Variants in ZNF205 observed in about 807,000 individuals in gnomAD.
ZNF205 encodes the protein transcriptional repressor RHIT.
A neutral mutation model predicts 53.6 loss-of-function variants in ZNF205; 32 were observed. That is an observed-to-expected ratio of 0.60 (90% CI 0.45 to 0.80). The LOEUF is 0.80. ZNF205 is among the 30% of genes least tolerant of loss of function. The pLI is 0.00. For synonymous variants in ZNF205, 382 were observed against 334.3 expected (o/e 1.14, Z -1.56); for missense variants, 836 against 782.4 (o/e 1.07, Z -0.82).
rs145304869 is a variant in ZNF205 at position 3,120,124 on chromosome 16, C to T, written c.1464C>T (p.Ser488=). 3.2e-4 allele frequency: 512 copies of T among 1,613,642 alleles called. 2 individuals are homozygous for T. The highest frequency in any genetic ancestry group is 1.3e-5 in the Non-Finnish European group (15 of 1,179,770). ...ACTGCGGCAAGAGCTTCAGCCACAG[C>T]TCGCACCTCACCGCGCACCAGCGCA... The part of the protein sequence containing the change: ...CLDCGKSFSH[S]SHLTAHQRTH... The change falls in exon 7 of 7, where the codon AGC becomes AGT. Residue 488 remains serine, a synonymous_variant. Coordinates refer to ENST00000219091, the MANE Select transcript of ZNF205 (RefSeq NM_001042428.2).
At chr16:3,112,772 G>C (rs1343372905) in intron 1 of ZNF205, 90 bp downstream of exon 1, 1 of 215,428 alleles carries the variant, frequency 4.6e-6, no homozygotes, top group African/African-American at 2.3e-5. Flanking sequence ...AAGGTGGAAG[G>C]CTTCAAGCTG....
chr16:3,120,081 A>C lies in ZNF205; in HGVS notation c.1421A>C (p.Lys474Thr). The C allele has an allele frequency of 2.5e-6, 4 of 1,613,814 alleles. No individual in the cohort carries two copies. The highest frequency in any genetic ancestry group is 3.4e-6 in the Non-Finnish European group (4 of 1,179,892). ...CACAACCGCACACACACAGGCGAGAAGCCCTACCACTGCCTCGACTGCGGC... is the reference window on the plus strand; with the variant it reads ...CACAACCGCACACACACAGGCGAGACGCCCTACCACTGCCTCGACTGCGGC... ...IAHNRTHTGE[K>T]PYHCLDCGKS... is the part of the protein sequence containing the mutation. The change falls in exon 7 of 7, where the codon AAG (lysine) becomes ACG (threonine). Residue 474 changes from lysine (K) to threonine (T), a missense_variant. Coordinates refer to ENST00000219091, the MANE Select transcript of ZNF205 (RefSeq NM_001042428.2).
At position 3,120,076 on chromosome 16, in the gene ZNF205, C is replaced by G. The variant is rs139131273; in HGVS notation, c.1416C>G (p.Gly472=). ...NLIAHNRTHT[G]EKPYHCLDCG... Reference sequence around the variant, plus strand: ...TCGCGCACAACCGCACACACACAGGCGAGAAGCCCTACCACTGCCTCGACT... The same window carrying G: ...TCGCGCACAACCGCACACACACAGGGGAGAAGCCCTACCACTGCCTCGACT... The change falls in exon 7 of 7, where the codon GGC becomes GGG. Residue 472 remains glycine, a synonymous_variant. Coordinates refer to ENST00000219091, the MANE Select transcript of ZNF205 (RefSeq NM_001042428.2). 26 of 1,613,892 alleles carry G rather than the reference C, an allele frequency of 1.6e-5. No homozygotes were observed. In the African/African-American group the frequency reaches 2.4e-4, roughly 15 times the overall value.
Position 3,115,489 on chromosome 16 carries a change from G to A in ZNF205, c.192G>A (p.Glu64=). The change falls in exon 3 of 7, where the codon GAG becomes GAA. Residue 64 remains glutamate, a synonymous_variant. Transcript: ENST00000219091. ...EEPHSEGASQ[E]DGAQGAWGWA... ...CACACTCCGAGGGGGCATCGCAGGAGGATGGGGCTCAAGGTGCCTGGGGCT... is the reference window on the plus strand; with the variant it reads ...CACACTCCGAGGGGGCATCGCAGGAAGATGGGGCTCAAGGTGCCTGGGGCT... The A allele has an allele frequency of 6.2e-7, 1 of 1,609,064 alleles. No individual in the cohort carries two copies.
chr16:3,115,757 T>C (rs1957335777), intron 3 of ZNF205, 72 bp from the exon 4 acceptor site: 7 of 1,501,802 alleles, frequency 4.7e-6, no homozygotes, highest in Middle Eastern at 3.6e-4. Flanking sequence ...GGGGTGGAGT[T>C]TGAGGCAGCT....
chr16:3,116,205 G>C (rs900653685), intron 4 of ZNF205: 1 of 692,796 alleles, frequency 1.4e-6, no homozygotes, highest in African/African-American at 1.8e-5. Context: ...GACATCCTAA[G>C]TCTTAACTGT....
Position 3,120,062 on chromosome 16 carries a change from C to G in ZNF205, c.1402C>G (p.Arg468Gly), listed in dbSNP as rs1474927078. Residue 468 changes from arginine to glycine, a missense_variant, in exon 7 of 7, where the codon CGC becomes GGC. By Grantham distance (125) the Arg-to-Gly change is moderately radical (BLOSUM62 -2). Coordinates refer to ENST00000219091, the MANE Select transcript of ZNF205 (RefSeq NM_001042428.2). ...GCGTTCCAACCTCATCGCGCACAAC[C>G]GCACACACACAGGCGAGAAGCCCTA... ...SQRSNLIAHN[R>G]THTGEKPYHC... 6.2e-7 allele frequency: 1 copy of G among 1,612,666 alleles called. No individual in the cohort carries two copies. The highest frequency in any genetic ancestry group is 2.2e-5 in the East Asian group (1 of 44,792).
In ZNF205 at chr16:3,119,869, C is replaced by G. The variant is rs941354255; in HGVS notation, c.1209C>G (p.Arg403=). The G allele has an allele frequency of 6.2e-7, 1 of 1,613,482 alleles. No homozygotes were observed. Among genetic ancestry groups the G allele is most frequent in the Non-Finnish European group, 8.5e-7 (1 of 1,179,860 alleles). Residue 403 remains arginine, a synonymous_variant, in exon 7 of 7, where the codon CGC becomes CGG. Transcript: ENST00000219091. ...ACCGCTGCGCCAAGCGCTTCACCCG[C>G]CGCTCGGACTTGGTCACCCACCAGG... The part of the protein sequence containing the change: ...VCDRCAKRFT[R]RSDLVTHQGT...
At position 3,119,508 on chromosome 16, in the gene ZNF205, A is replaced by G. The variant is rs1167845064; in HGVS notation, c.848A>G (p.Asn283Ser). The G allele has an allele frequency of 2.5e-6, 4 of 1,599,224 alleles. No homozygotes were observed. The highest frequency in any genetic ancestry group is 1.7e-5 in the Admixed American group (1 of 58,474). The change falls in exon 7 of 7, where the codon AAC (asparagine) becomes AGC (serine). Residue 283 changes from asparagine (N) to serine (S), a missense_variant. Asn to Ser is a conservative substitution (Grantham distance 46). Coordinates refer to ENST00000219091, the MANE Select transcript of ZNF205 (RefSeq NM_001042428.2). ...GAGTACCGCGTCCCGGAGAAGCCCA[A>G]CGAGGAGGAGAAGGGCGCCCCGGAG... ...PQEYRVPEKPNEEEKGAPESG... is the reference protein window; with the variant it reads ...PQEYRVPEKPSEEEKGAPESG...
chr16:3,113,206 C>A (rs757551570), intron 1 of ZNF205: 1 of 511,732 alleles, frequency 2.0e-6, no homozygotes, highest in African/African-American at 2.0e-5. Context: ...ACCCAGAAAA[C>A]ATCACAGAGA....
At position 3,115,497 on chromosome 16, in the gene ZNF205, C is replaced by T. The variant is rs754816731; in HGVS notation, c.200C>T (p.Ala67Val). Reference sequence around the variant, plus strand: ...GAGGGGGCATCGCAGGAGGATGGGGCTCAAGGTGCCTGGGGCTGGGCACCC... The same window carrying T: ...GAGGGGGCATCGCAGGAGGATGGGGTTCAAGGTGCCTGGGGCTGGGCACCC... ...HSEGASQEDG[A>V]QGAWGWAPLS... Residue 67 changes from alanine to valine, a missense_variant, in exon 3 of 7, where the codon GCT becomes GTT. Physicochemically the swap from Ala to Val is moderately conservative, Grantham distance 64. Transcript: ENST00000219091. 5.0e-6 allele frequency: 8 copies of T among 1,605,594 alleles called. No homozygotes were observed. In the African/African-American group the frequency reaches 8.1e-5, roughly 16 times the overall value.
rs1442611215 is a variant in ZNF205 at position 3,120,072 on chromosome 16, C to A, written c.1412C>A (p.Thr471Lys). The change falls in exon 7 of 7, where the codon ACA becomes AAA. Residue 471 changes from threonine to lysine, a missense_variant. Coordinates refer to ENST00000219091, the MANE Select transcript of ZNF205 (RefSeq NM_001042428.2). ...CTCATCGCGCACAACCGCACACACACAGGCGAGAAGCCCTACCACTGCCTC... is the reference window on the plus strand; with the variant it reads ...CTCATCGCGCACAACCGCACACACAAAGGCGAGAAGCCCTACCACTGCCTC... ...SNLIAHNRTHTGEKPYHCLDC... is the reference protein window; with the variant it reads ...SNLIAHNRTHKGEKPYHCLDC... 1 of 1,613,930 alleles carries A rather than the reference C, an allele frequency of 6.2e-7. No homozygotes were observed. The highest frequency in any genetic ancestry group is 1.7e-5 in the Admixed American group (1 of 60,026).
intron 5 of ZNF205, among the ~76,000 whole-genome samples, chr16:3,118,313 C>T (rs932701966): frequency 1.3e-5 from 2 of 152,114 alleles, no homozygotes; most frequent in African/African-American, 2.4e-5. Context: ...TTCCCCAGTG[C>T]CTGGGCCAGC....
At chr16:3,119,036 T>G (rs1239684314) in intron 6 of ZNF205, 21 bp downstream of exon 6, 1 of 1,607,824 alleles carries the variant, frequency 6.2e-7, no homozygotes, top group Admixed American at 1.7e-5. Flanking sequence ...GGCGCGCGCC[T>G]TTGTCTGCGG....
At position 3,118,988 on chromosome 16, in the gene ZNF205, GAGA is replaced by G. The variant is rs555833704; in HGVS notation, c.571_573del (p.Lys191del). The G allele has an allele frequency of 4.8e-5, 78 of 1,613,636 alleles. No homozygotes were observed. Among genetic ancestry groups the G allele is most frequent in the East Asian group, 3.8e-4 (17 of 44,862 alleles). On this transcript the variant is annotated inframe_deletion, in exon 6 of 7. Coordinates refer to ENST00000219091, the MANE Select transcript of ZNF205 (RefSeq NM_001042428.2). Reference sequence around the variant, plus strand: ...GGGCTCCAGCCGGCAGGCAGGAGATGAGAAGGAGTGGAGAGGCGCGTGCACAGG... The same window carrying G: ...GGGCTCCAGCCGGCAGGCAGGAGATGAGGAGTGGAGAGGCGCGTGCACAGG...
At chr16:3,118,847 G>A (rs139348438) in intron 5 of ZNF205, 58 bp from the exon 6 acceptor site, 19 of 1,564,584 alleles carry the variant, frequency 1.2e-5, no homozygotes, top group Non-Finnish European at 1.6e-5. Context: ...GGGAGATGCT[G>A]TCTGCAGCTG....
chr16:3,117,609 ATTTTTTTC>A (rs771178574), intron 5 of ZNF205, among the ~76,000 whole-genome samples: 13 of 148,270 alleles, frequency 8.8e-5, no homozygotes, highest in Non-Finnish European at 1.3e-4. Flanking sequence ...ATGCCCAGCT[ATTTTTTTC>A]TTTTTTTCTT....
chr16:3,115,196 G>GCCGC (rs1402569765), intron 2 of ZNF205, 159 bp from the exon 3 acceptor site: 2 of 529,294 alleles, frequency 3.8e-6, no homozygotes, highest in Non-Finnish European at 5.9e-6. Context: ...TCCTCCTCTT[G>GCCGC]CCGCCCGTCC....
In ZNF205 at chr16:3,119,380, C is replaced by T. The variant is rs779474806; in HGVS notation, c.720C>T (p.Ala240=). ...WGVPQCAQEA[A]CGRSSGPAKD... Reference sequence around the variant, plus strand: ...TCCCGCAGTGCGCGCAGGAAGCAGCCTGCGGCCGGAGCTCAGGGCCGGCCA... The same window carrying T: ...TCCCGCAGTGCGCGCAGGAAGCAGCTTGCGGCCGGAGCTCAGGGCCGGCCA... The change falls in exon 7 of 7, where the codon GCC becomes GCT. Residue 240 remains alanine, a synonymous_variant. Transcript: ENST00000219091. 8.1e-6 allele frequency: 13 copies of T among 1,611,788 alleles called. No individual in the cohort carries two copies. The highest frequency in any genetic ancestry group is 1.6e-4 in the Middle Eastern group (1 of 6,066).
Sources: allele counts gnomAD v4.1 joint callset (sites outside exome capture counted in the v4.1 genomes callset), GRCh38; gene constraint gnomAD v4.1.1; transcripts MANE v1.5; gene names NCBI Gene and HGNC (gene_info 2026-07-23, HGNC 2026-07-21).